MAF: variants seen among roughly 807,000 people sequenced by gnomAD.
MAF encodes the protein MAF bZIP transcription factor.
MAF carries 10 observed loss-of-function variants against 22.0 expected under a neutral mutation model. That is an observed-to-expected ratio of 0.45 (90% CI 0.28 to 0.77). The LOEUF (loss-of-function observed/expected upper bound fraction) is 0.77, where lower values mean the gene tolerates loss of function less well. Among genes scored for constraint, MAF ranks in the 30% least tolerant of loss-of-function variants. The pLI, the probability that MAF is intolerant of heterozygous loss-of-function variation, is 0.12. For synonymous variants in MAF, 337 were observed against 255.8 expected, an observed-to-expected ratio of 1.32 and a Z score of -3.03; for missense variants, 544 against 548.4, an observed-to-expected ratio of 0.99 and a Z score of 0.08.
the MAF span, among the ~76,000 whole-genome samples, chr16:79,247,122 C>T: frequency 7.2e-5 from 11 of 152,208 alleles, no homozygotes; most frequent in Admixed American, 5.9e-4. Flanking sequence ...AAGGCCTCCC[C>T]GAGGTGGTGA....
At chr16:79,224,548 T>C in the MAF span, among the ~76,000 whole-genome samples, 24 of 152,132 alleles carry the variant, frequency 1.6e-4, no homozygotes, top group Middle Eastern at 3.4e-3. Context: ...GGTATTCAAT[T>C]AGGAAAAAAG....
At chr16:79,296,278 G>A in the MAF span, among the ~76,000 whole-genome samples, 3 of 152,150 alleles carry the variant, frequency 2.0e-5, no homozygotes, top group African/African-American at 7.2e-5. Context: ...ACCTATACAG[G>A]TTGGAAGGAT....
the MAF span, among the ~76,000 whole-genome samples, chr16:79,216,290 G>C: frequency 6.6e-6 from 1 of 152,122 alleles, no homozygotes; most frequent in Non-Finnish European, 1.5e-5. Flanking sequence ...GTAAAACACA[G>C]GCATTATAGA....
the MAF span, among the ~76,000 whole-genome samples, chr16:79,574,793 G>A: frequency 6.6e-6 from 1 of 152,142 alleles, no homozygotes; most frequent in Non-Finnish European, 1.5e-5. Flanking sequence ...TAGCATTGAT[G>A]TCAATGAAGA....
At chr16:79,209,871 G>T in the MAF span, among the ~76,000 whole-genome samples, 1 of 152,226 alleles carries the variant, frequency 6.6e-6, no homozygotes. Context: ...TAATAATTCA[G>T]TGAAAGGAAA....
At chr16:79,211,998 G>A in the MAF span, 4 of 1,498,822 alleles carry the variant, frequency 2.7e-6, no homozygotes, top group South Asian at 1.2e-5. Flanking sequence ...CTTTTCTGGG[G>A]CTGGGCTAGG....
chr16:79,284,367 T>C, the MAF span, among the ~76,000 whole-genome samples: 1 of 152,208 alleles, frequency 6.6e-6, no homozygotes, highest in Admixed American at 6.5e-5. Context: ...CCCATTCACT[T>C]GGCAACATCA....
chr16:79,536,588 G>C, the MAF span, among the ~76,000 whole-genome samples: 1 of 152,156 alleles, frequency 6.6e-6, no homozygotes, highest in East Asian at 1.9e-4. Flanking sequence ...GTTGCAGTGA[G>C]CCCAGATCAC....
the MAF span, among the ~76,000 whole-genome samples, chr16:79,432,846 G>T: frequency 6.6e-6 from 1 of 152,148 alleles, no homozygotes; most frequent in Non-Finnish European, 1.5e-5. Context: ...CAGAAGCTGG[G>T]AAGGCATCCT....
chr16:79,304,994 T>C, the MAF span, among the ~76,000 whole-genome samples: 1 of 152,148 alleles, frequency 6.6e-6, no homozygotes, highest in Non-Finnish European at 1.5e-5. Context: ...GATGGCACAA[T>C]GTTCAGTAAT....
At chr16:79,412,509 G>A in the MAF span, among the ~76,000 whole-genome samples, 4 of 152,180 alleles carry the variant, frequency 2.6e-5, no homozygotes, top group Non-Finnish European at 4.4e-5. Flanking sequence ...ACTGACATTT[G>A]GGCTGGGTAA....
chr16:79,467,337 G>T, the MAF span, among the ~76,000 whole-genome samples: 1 of 152,116 alleles, frequency 6.6e-6, no homozygotes, highest in African/African-American at 2.4e-5. Context: ...CTTCTAGATG[G>T]GAATCTGCAA....
At chr16:79,567,090 C>T in the MAF span, among the ~76,000 whole-genome samples, 1 of 152,202 alleles carries the variant, frequency 6.6e-6, no homozygotes, top group South Asian at 2.1e-4. Flanking sequence ...GAGGCTAAGG[C>T]AGGCAGATCA....
At chr16:79,330,963 C>A in the MAF span, among the ~76,000 whole-genome samples, 1 of 152,222 alleles carries the variant, frequency 6.6e-6, no homozygotes, top group African/African-American at 2.4e-5. Flanking sequence ...TGAAGGCCAA[C>A]CCTGTGAGTG....
chr16:79,332,495 T>A, the MAF span, among the ~76,000 whole-genome samples: 7 of 152,214 alleles, frequency 4.6e-5, no homozygotes, highest in African/African-American at 1.7e-4. Flanking sequence ...AGATAGAGTT[T>A]CGCCATGTTG....
chr16:79,240,458 T>C, the MAF span, among the ~76,000 whole-genome samples: 96 of 127,910 alleles, frequency 7.5e-4, no homozygotes, highest in African/African-American at 2.7e-3. Flanking sequence ...AAAAACCCTT[T>C]TGCCTCCATT....
the MAF span, among the ~76,000 whole-genome samples, chr16:79,253,865 G>A: frequency 6.6e-6 from 1 of 151,884 alleles, no homozygotes; most frequent in African/African-American, 2.4e-5. Flanking sequence ...AGAATCCTAG[G>A]GGTTCTTTTC....
At chr16:79,435,179 T>C in the MAF span, among the ~76,000 whole-genome samples, 1 of 152,170 alleles carries the variant, frequency 6.6e-6, no homozygotes, top group South Asian at 2.1e-4. Flanking sequence ...CGGACACACG[T>C]CCATATATAC....
the MAF span, among the ~76,000 whole-genome samples, chr16:79,499,899 C>A: frequency 6.6e-6 from 1 of 152,202 alleles, no homozygotes; most frequent in Non-Finnish European, 1.5e-5. Flanking sequence ...TAGTTACAGA[C>A]CTGGAAGAGT....
Sources: allele counts gnomAD v4.1 joint callset (sites outside exome capture counted in the v4.1 genomes callset), GRCh38; gene constraint gnomAD v4.1.1; transcripts MANE v1.5; gene names NCBI Gene and HGNC (gene_info 2026-07-23, HGNC 2026-07-21).